ROR2: variants seen among roughly 807,000 people sequenced by gnomAD.
ROR2 encodes the protein tyrosine-protein kinase transmembrane receptor ROR2.
Under a neutral mutation model 74.9 loss-of-function variants are expected in ROR2, and 33 were observed. The observed-to-expected ratio is 0.44, with a 90% CI of 0.33 to 0.59. The LOEUF (loss-of-function observed/expected upper bound fraction) is 0.59. Ranked by LOEUF, ROR2 falls within the 20% of genes least tolerant of loss-of-function variation. The probability of loss-of-function intolerance (pLI) is 0.02; values close to 1 mark genes in which losing one functional copy is unlikely to be tolerated. For synonymous variants in ROR2, 586 were observed against 558.7 expected, an observed-to-expected ratio of 1.05 and a Z score of -0.69; for missense variants, 1,216 against 1,313.8, an observed-to-expected ratio of 0.93 and a Z score of 1.15.
At chr9:91,765,888 G>T (rs1389299159) in intron 2 of ROR2, among the ~76,000 whole-genome samples, 1 of 152,154 alleles carries the variant, frequency 6.6e-6, no homozygotes, top group Non-Finnish European at 1.5e-5. Context: ...TGCAAAAAAT[G>T]CACATTCCTT....
At chr9:91,803,531 T>C (rs920433785) in intron 1 of ROR2, among the ~76,000 whole-genome samples, 3 of 152,264 alleles carry the variant, frequency 2.0e-5, no homozygotes, top group African/African-American at 4.8e-5. Flanking sequence ...TTTTCTGTTA[T>C]GTATTTTTTA....
rs529905918 is a variant in ROR2 at position 91,812,026 on chromosome 9, T to C, written c.98-36208A>G. On this transcript the variant is annotated intron_variant, in intron 1 of 8. Coordinates refer to ENST00000375708, the MANE Select transcript of ROR2 (RefSeq NM_004560.4). ...GTCTTGGGCCACACATAAAATACAC[T>C]AACACTAATGACAGCTGATGAGCTT... is the stretch of plus-strand genomic sequence containing the variant. Among the ~76,000 whole-genome samples, 9 of 137,678 alleles carry C rather than the reference T, an allele frequency of 6.5e-5. No individual in the cohort carries two copies. The East Asian group carries it at 1.9e-3, about 30-fold the overall frequency. The allele number at this position is 137,678 out of a possible 152,430, so 90.3% of individuals were successfully genotyped here. A position where few individuals can be genotyped will look rare whatever the true frequency, so the allele number is the denominator to read the frequency against.
At chr9:91,931,610 T>A (rs1020392051) in intron 1 of ROR2, among the ~76,000 whole-genome samples, 2 of 152,130 alleles carry the variant, frequency 1.3e-5, no homozygotes. Flanking sequence ...AACCAAATTT[T>A]AAGCCATTTA....
intron 1 of ROR2, among the ~76,000 whole-genome samples, chr9:91,889,952 C>T (rs1201860945): frequency 6.6e-6 from 1 of 152,180 alleles, no homozygotes; most frequent in Admixed American, 6.5e-5. Context: ...GTTACCATTC[C>T]TGTAGCCAAA....
At chr9:91,909,948 G>A (rs1185956878) in intron 1 of ROR2, among the ~76,000 whole-genome samples, 5 of 129,510 alleles carry the variant, frequency 3.9e-5, no homozygotes, top group Admixed American at 9.0e-5. Context: ...TATAACCTCC[G>A]CCTCCCGGGT....
At chr9:91,761,829 A>T (rs1380103322) in intron 2 of ROR2, among the ~76,000 whole-genome samples, 1 of 152,168 alleles carries the variant, frequency 6.6e-6, no homozygotes. Context: ...CATCCAGACA[A>T]TAAGACACTA....
intron 1 of ROR2, among the ~76,000 whole-genome samples, chr9:91,870,617 G>A (rs1211686913): frequency 6.6e-6 from 1 of 152,258 alleles, no homozygotes; most frequent in Non-Finnish European, 1.5e-5. Flanking sequence ...TTTCTAGGAT[G>A]TTGAAAACAA....
Position 91,811,835 on chromosome 9 carries a change from T to C in ROR2, c.98-36017A>G, listed in dbSNP as rs1398588744. Among the ~76,000 whole-genome samples, 5 of 152,200 alleles carry C rather than the reference T, an allele frequency of 3.3e-5. No homozygotes were observed. In the East Asian group the frequency reaches 9.6e-4, roughly 29 times the overall value. On this transcript the variant is annotated intron_variant, in intron 1 of 8. Coordinates refer to ENST00000375708, the MANE Select transcript of ROR2 (RefSeq NM_004560.4). ...CAAGCCATTTCCGTATCTGTGTGTC[T>C]TTCTATTCCTGGTTAAAACAGATCC...
intron 1 of ROR2, among the ~76,000 whole-genome samples, chr9:91,935,788 G>C (rs1564050443): frequency 6.6e-6 from 1 of 152,204 alleles, no homozygotes; most frequent in Non-Finnish European, 1.5e-5. Context: ...AAGTGACAAG[G>C]CTCAGGACTC....
At chr9:91,936,645 C>A (rs1831697987) in intron 1 of ROR2, among the ~76,000 whole-genome samples, 1 of 152,164 alleles carries the variant, frequency 6.6e-6, no homozygotes, top group South Asian at 2.1e-4. Flanking sequence ...TAAGTGGGAA[C>A]CCTGAGCCTC....
At chr9:91,829,615 T>A (rs1216856976) in intron 1 of ROR2, among the ~76,000 whole-genome samples, 1 of 146,254 alleles carries the variant, frequency 6.8e-6, no homozygotes, top group African/African-American at 2.6e-5. Context: ...GTGTAATCTG[T>A]GAATATTTCC....
intron 1 of ROR2, among the ~76,000 whole-genome samples, chr9:91,883,635 A>G (rs1564018561): frequency 6.6e-6 from 1 of 152,204 alleles, no homozygotes; most frequent in Non-Finnish European, 1.5e-5. Flanking sequence ...AGAAAATTCT[A>G]TTGGACAGTG....
intron 1 of ROR2, among the ~76,000 whole-genome samples, chr9:91,853,970 A>G (rs1829195196): frequency 6.6e-6 from 1 of 150,980 alleles, no homozygotes; most frequent in Non-Finnish European, 1.5e-5. Context: ...CCAAGAAGTC[A>G]ATCCAGAGTG....
At chr9:91,926,078 T>C (rs185103944) in intron 1 of ROR2, among the ~76,000 whole-genome samples, 6 of 148,394 alleles carry the variant, frequency 4.0e-5, no homozygotes, top group East Asian at 2.0e-4. Flanking sequence ...ACCCCATCTC[T>C]ACTAAAAAAA....
chr9:91,793,761 CA>C (rs58120050), intron 1 of ROR2, among the ~76,000 whole-genome samples: 12,387 of 81,806 alleles, frequency 0.15, 1,209 homozygotes, highest in African/African-American at 0.32. Context: ...GACTCCGTTT[CA>C]AAAAAAAAAA....
intron 1 of ROR2, among the ~76,000 whole-genome samples, chr9:91,932,607 T>G (rs1214716863): frequency 6.6e-6 from 1 of 151,254 alleles, no homozygotes; most frequent in Non-Finnish European, 1.5e-5. Context: ...GAGGTTGCAG[T>G]GAGCCAAGAT....
At chr9:91,776,753 C>T (rs71494478) in intron 1 of ROR2, among the ~76,000 whole-genome samples, 14,868 of 152,270 alleles carry the variant, frequency 0.098, 817 homozygotes, top group Middle Eastern at 0.15. Flanking sequence ...ACATTACACA[C>T]ACCATCACTC....
Position 91,723,608 on chromosome 9 carries a change from C to A in ROR2, c.*54G>T, listed in dbSNP as rs1193339181. ...GTGTCTTCTCAAAGGTGACTGAGGT[C>A]CCTGTGGGGTCTCGGCGGGGCTTCT... On this transcript the variant is annotated 3_prime_UTR_variant, in exon 9 of 9. Transcript: ENST00000375708. 9 of 1,601,766 alleles carry A rather than the reference C, an allele frequency of 5.6e-6. No individual in the cohort carries two copies. Among genetic ancestry groups the A allele is most frequent in the Non-Finnish European group, 6.8e-6 (8 of 1,175,988 alleles).
At chr9:91,725,792 C>G (rs1311860863) in intron 8 of ROR2, among the ~76,000 whole-genome samples, 1 of 152,138 alleles carries the variant, frequency 6.6e-6, no homozygotes, top group East Asian at 1.9e-4. Context: ...TCATCCTCCC[C>G]AGAGGTTCCT....
Sources: gnomAD v4.1 joint callset for allele counts (sites outside exome capture counted in the v4.1 genomes callset) on GRCh38, gnomAD v4.1.1 for gene constraint, MANE v1.5 for transcripts, NCBI Gene and HGNC (gene_info 2026-07-23, HGNC 2026-07-21) for gene names.